DCUN1D4: variants seen among roughly 807,000 people sequenced by gnomAD.
DCUN1D4 encodes the protein DCN1-like protein 4.
Under a neutral mutation model 47.9 loss-of-function variants are expected in DCUN1D4, and 22 were observed. The observed-to-expected ratio is 0.46, with a 90% CI of 0.33 to 0.66. The LOEUF is 0.66. Ranked by LOEUF, DCUN1D4 falls within the 30% of genes least tolerant of loss-of-function variation. The pLI is 0.02. For missense variants in DCUN1D4, 301 were observed against 340.8 expected (o/e 0.88, Z 0.92); for synonymous variants, 121 against 112.2 (o/e 1.08, Z -0.50).
chr4:51,862,049 C>T (rs900252296), intron 1 of DCUN1D4, among the ~76,000 whole-genome samples: 1 of 152,216 alleles, frequency 6.6e-6, no homozygotes, highest in African/African-American at 2.4e-5. Flanking sequence ...TTACCTTAAG[C>T]ATGGCTGGGC....
intron 3 of DCUN1D4, among the ~76,000 whole-genome samples, chr4:51,870,749 A>G (rs1040890390): frequency 6.6e-6 from 1 of 152,218 alleles, no homozygotes; most frequent in African/African-American, 2.4e-5. Flanking sequence ...GATCCCTGCA[A>G]CCATTGGGGG....
upstream of DCUN1D4, among the ~76,000 whole-genome samples, chr4:51,842,647 A>C (rs559971792): frequency 3.5e-4 from 53 of 152,344 alleles, no homozygotes; most frequent in South Asian, 3.9e-3. Flanking sequence ...AAGTGGCGGG[A>C]GACCCGGCCG....
chr4:51,841,455 C>T (rs1721645955), upstream of DCUN1D4, among the ~76,000 whole-genome samples: 1 of 152,116 alleles, frequency 6.6e-6, no homozygotes, highest in African/African-American at 2.4e-5. Flanking sequence ...GGTACCTACC[C>T]ATCACTGTGG....
chr4:51,854,468 G>A (rs1723831292), intron 1 of DCUN1D4, among the ~76,000 whole-genome samples: 1 of 152,116 alleles, frequency 6.6e-6, no homozygotes, highest in Admixed American at 6.5e-5. Context: ...TCTGGCTACT[G>A]TAACCCTCCA....
intron 1 of DCUN1D4, among the ~76,000 whole-genome samples, chr4:51,854,899 C>T (rs1283305285): frequency 1.3e-5 from 2 of 152,240 alleles, no homozygotes; most frequent in East Asian, 3.9e-4. Context: ...AGGAAATGTT[C>T]ATTGTAGCAT....
intron 1 of DCUN1D4, among the ~76,000 whole-genome samples, chr4:51,861,037 T>A (rs1347973875): frequency 2.0e-5 from 3 of 152,232 alleles, no homozygotes; most frequent in Non-Finnish European, 2.9e-5. Flanking sequence ...TATTGAGCAC[T>A]TACTATCTTC....
Position 51,913,389 on chromosome 4 carries a change from G to A in DCUN1D4, c.820G>A (p.Ala274Thr), listed in dbSNP as rs748234035. ...CCTCAGCAACTATGATGAAGATGGA[G>A]CATGTAAGTACTGCCGCTACCATTC... Reference protein sequence around the residue: ...LDLSNYDEDGAWPVLLDEFVE... With the variant: ...LDLSNYDEDGTWPVLLDEFVE... Residue 274 changes from alanine to threonine, a missense_variant, in exon 10 of 11, where the codon GCA (alanine) becomes ACA (threonine). This residue lies in a region of DCUN1D4 where 170 missense variants were observed against 234.5 expected (regional missense o/e 0.73). Coordinates refer to ENST00000334635, the MANE Select transcript of DCUN1D4 (RefSeq NM_001040402.3). 1 of 1,610,132 alleles carries A rather than the reference G, an allele frequency of 6.2e-7. No individual in the cohort carries two copies. The highest frequency in any genetic ancestry group is 1.1e-5 in the South Asian group (1 of 90,810).
At chr4:51,887,128 G>A (rs1469684240) in intron 6 of DCUN1D4, 1 of 452,366 alleles carries the variant, frequency 2.2e-6, no homozygotes, top group African/African-American at 2.0e-5. Context: ...TTGAGATGGA[G>A]TCTCGCACTG....
At chr4:51,844,865 C>T (rs1577808535) in intron 1 of DCUN1D4, 1 of 985,316 alleles carries the variant, frequency 1.0e-6, no homozygotes. Flanking sequence ...TGCAGCGCGC[C>T]CTTGGAGCCT....
intron 7 of DCUN1D4, among the ~76,000 whole-genome samples, chr4:51,896,799 G>T (rs1465939007): frequency 6.6e-6 from 1 of 152,062 alleles, no homozygotes; most frequent in Non-Finnish European, 1.5e-5. Flanking sequence ...GATCAAGAGT[G>T]AGCTTGTCAA....
At chr4:51,840,159 T>A (rs1721594631), upstream of DCUN1D4, among the ~76,000 whole-genome samples, 1 of 152,146 alleles carries the variant, frequency 6.6e-6, no homozygotes, top group African/African-American at 2.4e-5. Context: ...AATTATTAAT[T>A]TTTTTCTCCA....
At chr4:51,857,838 C>T (rs1724385934) in intron 1 of DCUN1D4, among the ~76,000 whole-genome samples, 1 of 152,118 alleles carries the variant, frequency 6.6e-6, no homozygotes, top group Non-Finnish European at 1.5e-5. Context: ...GAATTTAAGC[C>T]TTTGGTGCCT....
At chr4:51,898,079 T>G (rs1731539055) in intron 7 of DCUN1D4, among the ~76,000 whole-genome samples, 1 of 152,166 alleles carries the variant, frequency 6.6e-6, no homozygotes, top group Non-Finnish European at 1.5e-5. Flanking sequence ...CCTTGTGAGG[T>G]CTTTAGAGAT....
intron 4 of DCUN1D4, among the ~76,000 whole-genome samples, chr4:51,875,869 A>G (rs763940199): frequency 6.6e-6 from 1 of 152,136 alleles, no homozygotes. Context: ...TAATTTATAT[A>G]GTGTCTCCAA....
At chr4:51,891,679 G>T in intron 6 of DCUN1D4, 81 bp from the exon 7 acceptor site, 1 of 1,096,688 alleles carries the variant, frequency 9.1e-7, no homozygotes, top group Non-Finnish European at 1.3e-6. Context: ...AAACGTTAAT[G>T]TATTAATGAC....
At chr4:51,873,864 C>T (rs1376811591) in intron 3 of DCUN1D4, among the ~76,000 whole-genome samples, 2 of 152,062 alleles carry the variant, frequency 1.3e-5, no homozygotes, top group South Asian at 2.1e-4. Context: ...GATGTGCCTA[C>T]GTGTATTTTA....
At chr4:51,841,302 T>C (rs1341328597), upstream of DCUN1D4, among the ~76,000 whole-genome samples, 3 of 152,234 alleles carry the variant, frequency 2.0e-5, no homozygotes, top group East Asian at 5.8e-4. Context: ...AAATGACATA[T>C]AATTTATTAT....
In DCUN1D4 at chr4:51,863,445, C is replaced by T. The variant is rs769512653; in HGVS notation, c.34C>T (p.Leu12=). The change falls in exon 2 of 11, where the codon CTG becomes TTG. Residue 12 remains leucine, a synonymous_variant. Coordinates refer to ENST00000334635, the MANE Select transcript of DCUN1D4 (RefSeq NM_001040402.3). The part of the protein sequence containing the change: ...HSDAAAVNFQ[L]NSHLSTLANI... ...TCCTTTTTCTTTTCAAGATTTTCAGCTGAACTCTCATCTCTCAACACTGGC... is the reference window on the plus strand; with the variant it reads ...TCCTTTTTCTTTTCAAGATTTTCAGTTGAACTCTCATCTCTCAACACTGGC... The T allele has an allele frequency of 3.7e-6, 6 of 1,610,700 alleles. No homozygotes were observed. Among genetic ancestry groups the T allele is most frequent in the Non-Finnish European group, 5.1e-6 (6 of 1,178,436 alleles).
At chr4:51,857,033 A>G (rs116119538) in intron 1 of DCUN1D4, among the ~76,000 whole-genome samples, 166 of 152,162 alleles carry the variant, frequency 1.1e-3, no homozygotes, top group Middle Eastern at 3.4e-3. Context: ...CACTTTAAAT[A>G]CTCGACTCAT....
Sources: allele counts gnomAD v4.1 joint callset (sites outside exome capture counted in the v4.1 genomes callset), GRCh38; gene constraint gnomAD v4.1.1; regional missense constraint gnomAD v4.1.1; transcripts MANE v1.5; gene names NCBI Gene and HGNC (gene_info 2026-07-23, HGNC 2026-07-21).